DLX4: variants seen among roughly 807,000 people sequenced by gnomAD.
DLX4 encodes distal-less homeobox 4.
DLX4 carries 13 observed loss-of-function variants against 17.1 expected under a neutral mutation model. That is an observed-to-expected ratio of 0.76 (90% CI 0.49 to 1.21). The LOEUF is 1.21. Ranked by LOEUF, DLX4 falls within the 50% of genes most tolerant of loss-of-function variation. The probability of loss-of-function intolerance (pLI) is 0.00; values close to 1 mark genes in which losing one functional copy is unlikely to be tolerated. For missense variants in DLX4, 297 were observed against 301.4 expected (o/e 0.99, Z 0.11); for synonymous variants, 129 against 140.3 (o/e 0.92, Z 0.57).
intron 1 of DLX4, among the ~76,000 whole-genome samples, chr17:49,971,058 C>T (rs900806384): frequency 3.9e-5 from 6 of 152,226 alleles, no homozygotes; most frequent in African/African-American, 1.2e-4. Flanking sequence ...AAATGAATCC[C>T]TTTGACTGTC....
intron 2 of DLX4, 125 bp downstream of exon 2, chr17:49,973,394 G>A (rs1310710546): frequency 7.2e-7 from 1 of 1,383,066 alleles, no homozygotes; most frequent in South Asian, 1.3e-5. Context: ...GTTCTCCAGG[G>A]AATGTTCATA....
chr17:49,972,835 G>C lies in DLX4; in HGVS notation c.284-238G>C. The C allele has an allele frequency of 7.0e-7, 1 of 1,427,128 alleles. No homozygotes were observed. The highest frequency in any genetic ancestry group is 9.2e-7 in the Non-Finnish European group (1 of 1,090,104). The allele number at this position is 1,427,128 out of a possible 1,614,324, so 88.4% of individuals were successfully genotyped here. The stretch of plus-strand genomic sequence containing the variant: ...TCCTAGGGTCACAGGACCCATACGA[G>C]TGGGAGCTCCCTGGGAGCAGAACTG... On this transcript the variant is annotated intron_variant, in intron 1 of 2. Coordinates refer to ENST00000240306, the MANE Select transcript of DLX4 (RefSeq NM_138281.3). The surrounding 1 kb of genome is among the most constrained non-coding windows in gnomAD (Gnocchi z 5.4).
Position 49,973,990 on chromosome 17 carries a change from G to A in DLX4, c.*47G>A, listed in dbSNP as rs201620636. 2 of 1,534,690 alleles carry A rather than the reference G, an allele frequency of 1.3e-6. No homozygotes were observed. Among genetic ancestry groups the A allele is most frequent in the Non-Finnish European group, 8.8e-7 (1 of 1,139,418 alleles). ...GCCCACAGCCTTCCTGCAAAGCCCA[G>A]GACCCAGGCAGTCCACCTGCACCCC... On this transcript the variant is annotated 3_prime_UTR_variant, in exon 3 of 3. Coordinates refer to ENST00000240306, the MANE Select transcript of DLX4 (RefSeq NM_138281.3).
chr17:49,971,011 T>C (rs1598146952), intron 1 of DLX4, among the ~76,000 whole-genome samples: 1 of 152,024 alleles, frequency 6.6e-6, no homozygotes, highest in East Asian at 1.9e-4. Context: ...GTGGCTGGAG[T>C]GGGCGCAGTT....
Position 49,972,802 on chromosome 17 carries a change from C to A in DLX4, c.284-271C>A. Reference sequence around the variant, plus strand: ...GCGGTACCCTGGCTGTGGCCCTCGGCGCTTTCTTCCTAGGGTCACAGGACC... The same window carrying A: ...GCGGTACCCTGGCTGTGGCCCTCGGAGCTTTCTTCCTAGGGTCACAGGACC... On this transcript the variant is annotated intron_variant, in intron 1 of 2. Coordinates refer to ENST00000240306, the MANE Select transcript of DLX4 (RefSeq NM_138281.3). This position sits in a 1 kb window ranked among gnomAD's most constrained non-coding sequence, Gnocchi z 5.4. 1.4e-6 allele frequency: 2 copies of A among 1,386,248 alleles called. No individual in the cohort carries two copies. The highest frequency in any genetic ancestry group is 1.9e-6 in the Non-Finnish European group (2 of 1,074,204). 85.9% of individuals were successfully genotyped at this position (1,386,248 alleles called of 1,614,324 possible). A position where few individuals can be genotyped will look rare whatever the true frequency, so the allele number is the denominator to read the frequency against.
At position 49,969,647 on chromosome 17, in the gene DLX4, C is replaced by G; in HGVS notation, c.179C>G (p.Thr60Ser). The change falls in exon 1 of 3, where the codon ACC (threonine) becomes AGC (serine). Residue 60 changes from threonine (T) to serine (S), a missense_variant. Transcript: ENST00000240306. ...GGCCACCTCCTGTCTTACCCCTACA[C>G]CGAGCCAGCGAACCCCGGAGACTCC... Reference protein sequence around the residue: ...PYGHLLSYPYTEPANPGDSYL... With the variant: ...PYGHLLSYPYSEPANPGDSYL... 6.2e-7 allele frequency: 1 copy of G among 1,611,676 alleles called. No homozygotes were observed.
Position 49,969,537 on chromosome 17 carries a change from TGTCCC to T in DLX4, c.73_77del (p.Pro25GlyfsTer147), listed in dbSNP as rs754429233. ...AAGCTGTCTTCCCAGACCTCGCCCC[TGTCCC>T]GTCGGTAGCGGCTGCCTACCCGCTT... On this transcript the variant is annotated frameshift_variant, in exon 1 of 3. Coordinates refer to ENST00000240306, the MANE Select transcript of DLX4 (RefSeq NM_138281.3). LOFTEE classifies it high-confidence loss of function. The T allele has an allele frequency of 8.1e-6, 13 of 1,613,072 alleles. No individual in the cohort carries two copies. Among genetic ancestry groups the T allele is most frequent in the African/African-American group, 8.0e-5 (6 of 75,030 alleles).
At position 49,972,718 on chromosome 17, in the gene DLX4, C is replaced by G. The variant is rs1905551698; in HGVS notation, c.284-355C>G. 7.3e-7 allele frequency: 1 copy of G among 1,366,424 alleles called. No homozygotes were observed. Among genetic ancestry groups the G allele is most frequent in the Admixed American group, 3.5e-5 (1 of 28,600 alleles). The allele number at this position is 1,366,424 out of a possible 1,614,324, so 84.6% of individuals were successfully genotyped here. ...CCTGGACCTAGCCTTTCTGCCCCGCCCTACCCCAAGCTGGCGCCACCGCCC... is the reference window on the plus strand; with the variant it reads ...CCTGGACCTAGCCTTTCTGCCCCGCGCTACCCCAAGCTGGCGCCACCGCCC... On this transcript the variant is annotated intron_variant, in intron 1 of 2. Transcript: ENST00000240306. The surrounding 1 kb of genome is among the most constrained non-coding windows in gnomAD (Gnocchi z 5.4).
chr17:49,974,061 G>A lies in DLX4; in HGVS notation c.*118G>A. On this transcript the variant is annotated 3_prime_UTR_variant, in exon 3 of 3. Coordinates refer to ENST00000240306, the MANE Select transcript of DLX4 (RefSeq NM_138281.3). ...AGCTCCAGATGGGTTTTCTCTGGAG[G>A]ACAAGCAGTTAGAGGAGAAAAAGGA... 7.4e-7 allele frequency: 1 copy of A among 1,349,568 alleles called. No individual in the cohort carries two copies. The highest frequency in any genetic ancestry group is 1.6e-5 in the South Asian group (1 of 61,548). The allele number at this position is 1,349,568 out of a possible 1,614,324, so 83.6% of individuals were successfully genotyped here.
chr17:49,973,128 C>T lies in DLX4; in HGVS notation c.339C>T (p.Pro113=), dbSNP rs1280456941. The change falls in exon 2 of 3, where the codon CCC becomes CCT. Residue 113 remains proline, a synonymous_variant. Transcript: ENST00000240306. ...CCTCCGAGCGGCGCCCTCAGGCCCC[C>T]GCCAAAAAGCTCCGCAAGCCGAGGA... ...PEPSERRPQA[P]AKKLRKPRTI... is the part of the protein sequence containing the mutation. The T allele has an allele frequency of 1.2e-6, 2 of 1,613,944 alleles. No individual in the cohort carries two copies. Among genetic ancestry groups the T allele is most frequent in the African/African-American group, 1.3e-5 (1 of 74,924 alleles).
intron 1 of DLX4, among the ~76,000 whole-genome samples, chr17:49,971,440 C>T (rs1203830607): frequency 6.6e-6 from 1 of 152,128 alleles, no homozygotes; most frequent in Non-Finnish European, 1.5e-5. Flanking sequence ...GCCACCACCC[C>T]GTTGAGCCGT....
chr17:49,973,504 G>A, intron 2 of DLX4, 197 bp from the exon 3 acceptor site: 1 of 949,770 alleles, frequency 1.1e-6, no homozygotes. Flanking sequence ...GGTCAGACAG[G>A]GAGACATGGA....
At position 49,969,259 on chromosome 17, in the gene DLX4, T is replaced by G; in HGVS notation, c.-210T>G. The G allele has an allele frequency of 5.8e-6, 2 of 346,354 alleles. No individual in the cohort carries two copies. The highest frequency in any genetic ancestry group is 4.3e-6 in the Non-Finnish European group (1 of 233,312). The allele number at this position is 346,354 out of a possible 1,614,324, so 21.5% of individuals were successfully genotyped here. ...ATGGATTTAGGGGGGGAGGGGAAAG[T>G]CATGGGGGGCACCCCCCCGGAACCC... On this transcript the variant is annotated 5_prime_UTR_variant, in exon 1 of 3. Coordinates refer to ENST00000240306, the MANE Select transcript of DLX4 (RefSeq NM_138281.3).
rs796101740 is a variant in DLX4 at position 49,971,380 on chromosome 17, C to T, written c.283+1629C>T. Among the ~76,000 whole-genome samples the T allele has an allele frequency of 2.0e-5, 3 of 152,262 alleles. No individual in the cohort carries two copies. In the South Asian group the frequency reaches 6.2e-4, roughly 32 times the overall value. ...GCTTGGGGTCCTCCTTTTACTTCCA[C>T]TCTATGTCCACTCCTGCCTTGGGAA... is the stretch of plus-strand genomic sequence containing the variant. On this transcript the variant is annotated intron_variant, in intron 1 of 2. Transcript: ENST00000240306.
Position 49,972,978 on chromosome 17 carries a change from G to T in DLX4, c.284-95G>T, listed in dbSNP as rs763724785. On this transcript the variant is annotated intron_variant, in intron 1 of 2. Transcript: ENST00000240306. This position sits in a 1 kb window ranked among gnomAD's most constrained non-coding sequence, Gnocchi z 5.4. Reference sequence around the variant, plus strand: ...GCGCTTTTTGCTATTTGCTGCCGACGGCATGCAGACGAGATGCAAATAAGC... The same window carrying T: ...GCGCTTTTTGCTATTTGCTGCCGACTGCATGCAGACGAGATGCAAATAAGC... 6.5e-6 allele frequency: 10 copies of T among 1,545,304 alleles called. No individual in the cohort carries two copies. Among genetic ancestry groups the T allele is most frequent in the East Asian group, 4.6e-5 (2 of 43,746 alleles).
chr17:49,970,920 ATTT>A (rs1744008935), intron 1 of DLX4, among the ~76,000 whole-genome samples: 1 of 152,110 alleles, frequency 6.6e-6, no homozygotes, highest in Non-Finnish European at 1.5e-5. Context: ...AGGAGCATCG[ATTT>A]TAGGGAGCTT....
chr17:49,969,883 G>T (rs914363773), intron 1 of DLX4, 132 bp downstream of exon 1: 14 of 275,710 alleles, frequency 5.1e-5, no homozygotes, highest in African/African-American at 2.8e-4. Flanking sequence ...ATGTGGGGGT[G>T]GGGGGAGGGC....
rs1439428992 is a variant in DLX4, at chr17:49,969,443, G to A, written c.-26G>A. The A allele has an allele frequency of 6.6e-7, 1 of 1,509,756 alleles. No individual in the cohort carries two copies. 93.5% of individuals were successfully genotyped at this position (1,509,756 alleles called of 1,614,324 possible). ...GGAGCGGACTACGTGCCGGGCCATG[G>A]CCCTTCTGCCCGGGCCCTGGCCACA... On this transcript the variant is annotated 5_prime_UTR_variant, in exon 1 of 3. Coordinates refer to ENST00000240306, the MANE Select transcript of DLX4 (RefSeq NM_138281.3).
At position 49,973,072 on chromosome 17, in the gene DLX4, G is replaced by C; in HGVS notation, c.284-1G>C. 6.2e-7 allele frequency: 1 copy of C among 1,613,978 alleles called. No homozygotes were observed. The highest frequency in any genetic ancestry group is 8.5e-7 in the Non-Finnish European group (1 of 1,179,926). ...CTACACCGTGTTGTGCTGCCCACCAGACTCGGAGAAGCCGCGGCTGTCCCC... is the reference window on the plus strand; with the variant it reads ...CTACACCGTGTTGTGCTGCCCACCACACTCGGAGAAGCCGCGGCTGTCCCC... On this transcript the variant is annotated splice_acceptor_variant, in intron 1 of 2. Coordinates refer to ENST00000240306, the MANE Select transcript of DLX4 (RefSeq NM_138281.3). LOFTEE classifies it high-confidence loss of function.
Sources: gnomAD v4.1 joint callset for allele counts (sites outside exome capture counted in the v4.1 genomes callset) on GRCh38, gnomAD v4.1.1 for gene constraint, Gnocchi (gnomAD v3.1) non-coding constraint, MANE v1.5 for transcripts, NCBI Gene and HGNC (gene_info 2026-07-23, HGNC 2026-07-21) for gene names.